Variants in CNNM4 observed in about 807,000 individuals in gnomAD.
CNNM4 encodes the protein cyclin and CBS domain divalent metal cation transport mediator 4.
CNNM4 carries 32 observed loss-of-function variants against 53.7 expected under a neutral mutation model. The observed-to-expected ratio is 0.60, with a 90% confidence interval of 0.45 to 0.80. The LOEUF is 0.80. CNNM4 is among the 30% of genes least tolerant of loss of function. The probability of loss-of-function intolerance (pLI) is 0.00; values close to 1 mark genes in which losing one functional copy is unlikely to be tolerated. For synonymous variants in CNNM4, 410 were observed against 440.0 expected (o/e 0.93, Z 0.85); for missense variants, 784 against 1,022.0 (o/e 0.77, Z 3.17).
Position 96,801,013 on chromosome 2 carries a change from T to C in CNNM4, c.1948+1365T>C. On this transcript the variant is annotated intron_variant, in intron 5 of 6. Coordinates refer to ENST00000377075, the MANE Select transcript of CNNM4 (RefSeq NM_020184.4). The surrounding 1 kb of genome is among the most constrained non-coding windows in gnomAD (Gnocchi z 5.6). The stretch of plus-strand genomic sequence containing the variant: ...GTCAGGTCTGCCTCTGTCCTGTGCC[T>C]GTGGTTCCGTGTCCTGTCTCCTGAC... The C allele has an allele frequency of 1.2e-6, 1 of 820,206 alleles. No homozygotes were observed. Among genetic ancestry groups the C allele is most frequent in the Non-Finnish European group, 1.5e-6 (1 of 679,332 alleles). The allele number at this position is 820,206 out of a possible 1,614,324, so 50.8% of individuals were successfully genotyped here. A position where few individuals can be genotyped will look rare whatever the true frequency, so the allele number is the denominator to read the frequency against.
chr2:96,780,178 T>A (rs1451643845), intron 1 of CNNM4, among the ~76,000 whole-genome samples: 1 of 152,182 alleles, frequency 6.6e-6, no homozygotes, highest in African/African-American at 2.4e-5. Flanking sequence ...TTAGTTTCTT[T>A]CAAAAATATT....
chr2:96,782,973 A>G (rs1558986930), intron 1 of CNNM4, among the ~76,000 whole-genome samples: 1 of 152,124 alleles, frequency 6.6e-6, no homozygotes, highest in African/African-American at 2.4e-5. Flanking sequence ...TGGGAGGTCA[A>G]TGCGGGAGGA....
intron 1 of CNNM4, among the ~76,000 whole-genome samples, chr2:96,765,777 TTTTCTTTCTTTC>T (rs200888938): frequency 1.3e-5 from 2 of 150,242 alleles, no homozygotes; most frequent in Non-Finnish European, 3.0e-5. Context: ...GCTGTTCTTT[TTTTCTTTCTTTC>T]TTTCTTTCTT....
At chr2:96,794,427 C>T (rs570270425) in intron 1 of CNNM4, among the ~76,000 whole-genome samples, 1 of 152,168 alleles carries the variant, frequency 6.6e-6, no homozygotes, top group Non-Finnish European at 1.5e-5. Flanking sequence ...AGTTCAAGCC[C>T]ACACACGCCT....
Position 96,799,207 on chromosome 2 carries a change from A to T in CNNM4, c.1832A>T (p.Tyr611Phe). Reference sequence around the variant, plus strand: ...TACACCCGAAATAAGCCGGCCGACTACTTCATCCTCATCCTGCAGGTGAGC... The same window carrying T: ...TACACCCGAAATAAGCCGGCCGACTTCTTCATCCTCATCCTGCAGGTGAGC... ...YLYTRNKPAD[Y>F]FILILQGKVE... Residue 611 changes from tyrosine (Y) to phenylalanine (F), a missense_variant, in exon 4 of 7, where the codon TAC (tyrosine) becomes TTC (phenylalanine). By Grantham distance (22) the Tyr-to-Phe change is conservative. Coordinates refer to ENST00000377075, the MANE Select transcript of CNNM4 (RefSeq NM_020184.4). 6.2e-7 allele frequency: 1 copy of T among 1,614,168 alleles called. No individual in the cohort carries two copies. The highest frequency in any genetic ancestry group is 8.5e-7 in the Non-Finnish European group (1 of 1,180,024).
chr2:96,806,186 T>C (rs1315982215), intron 5 of CNNM4, among the ~76,000 whole-genome samples: 8 of 152,116 alleles, frequency 5.3e-5, no homozygotes, highest in African/African-American at 1.9e-4. Context: ...GGCTGACACC[T>C]TCTTTTCAGT....
intron 5 of CNNM4, among the ~76,000 whole-genome samples, chr2:96,806,222 G>A (rs775297668): frequency 3.8e-4 from 58 of 152,118 alleles, no homozygotes; most frequent in Non-Finnish European, 7.6e-4. Context: ...AGATGTTTTA[G>A]GAACATGAAA....
At position 96,808,765 on chromosome 2, in the gene CNNM4, T is replaced by G. The variant is rs776720198; in HGVS notation, c.2130+23T>G. 3.7e-6 allele frequency: 6 copies of G among 1,604,360 alleles called. No homozygotes were observed. In the Admixed American group the frequency reaches 5.0e-5, roughly 13 times the overall value. On this transcript the variant is annotated intron_variant, in intron 6 of 6. Transcript: ENST00000377075. The surrounding 1 kb of genome is among the most constrained non-coding windows in gnomAD (Gnocchi z 4.9). ...AAGGTGAGTGCCTCACTGCCCTGTC[T>G]GGGCAGTGCTATCTTCTGCTCAGGA...
chr2:96,786,890 C>G (rs1048777120), intron 1 of CNNM4, among the ~76,000 whole-genome samples: 1 of 151,818 alleles, frequency 6.6e-6, no homozygotes, highest in Non-Finnish European at 1.5e-5. Context: ...TGCTTCTCCC[C>G]CAATATGAAA....
At chr2:96,766,078 C>T (rs768501584) in intron 1 of CNNM4, among the ~76,000 whole-genome samples, 1 of 147,438 alleles carries the variant, frequency 6.8e-6, no homozygotes, top group Non-Finnish European at 1.5e-5. Flanking sequence ...GCCACCACAC[C>T]TGGCCTTTTT....
At chr2:96,765,800 T>TTC (rs2153343365) in intron 1 of CNNM4, among the ~76,000 whole-genome samples, 1 of 150,850 alleles carries the variant, frequency 6.6e-6, no homozygotes, top group East Asian at 1.9e-4. Flanking sequence ...TTTCTTTCTT[T>TTC]TTTTTTTTTT....
chr2:96,807,134 C>T (rs1327300599), intron 5 of CNNM4, among the ~76,000 whole-genome samples: 1 of 152,182 alleles, frequency 6.6e-6, no homozygotes, highest in Non-Finnish European at 1.5e-5. Flanking sequence ...CCTCAGCCAC[C>T]CAAGGAGCTG....
intron 5 of CNNM4, among the ~76,000 whole-genome samples, chr2:96,802,087 GTA>G (rs1379650153): frequency 6.9e-6 from 1 of 145,730 alleles, no homozygotes; most frequent in Non-Finnish European, 1.5e-5. Context: ...AGACACACAG[GTA>G]TATATACACA....
At chr2:96,792,080 C>T (rs2079066767) in intron 1 of CNNM4, among the ~76,000 whole-genome samples, 1 of 151,436 alleles carries the variant, frequency 6.6e-6, no homozygotes, top group Non-Finnish European at 1.5e-5. Context: ...ATGGTGAAAC[C>T]CCATCTCTAC....
chr2:96,787,184 G>T (rs1271676823), intron 1 of CNNM4, among the ~76,000 whole-genome samples: 4 of 152,198 alleles, frequency 2.6e-5, no homozygotes, highest in African/African-American at 9.7e-5. Context: ...CTAGGGTTGG[G>T]AGAAATGGCA....
At chr2:96,773,429 T>G (rs2078896495) in intron 1 of CNNM4, among the ~76,000 whole-genome samples, 1 of 152,216 alleles carries the variant, frequency 6.6e-6, no homozygotes, top group African/African-American at 2.4e-5. Flanking sequence ...GATGCCAACC[T>G]GTGGCCACAG....
At chr2:96,791,658 A>G (rs1428134178) in intron 1 of CNNM4, among the ~76,000 whole-genome samples, 1 of 152,086 alleles carries the variant, frequency 6.6e-6, no homozygotes, top group Non-Finnish European at 1.5e-5. Flanking sequence ...CACATTTTTC[A>G]AAGTAGTCCT....
At chr2:96,802,594 C>T (rs1398643536) in intron 5 of CNNM4, among the ~76,000 whole-genome samples, 1 of 152,226 alleles carries the variant, frequency 6.6e-6, no homozygotes. Flanking sequence ...TTCTGCTTTC[C>T]CCTCTGTGAA....
chr2:96,778,732 G>A (rs556578303), intron 1 of CNNM4, among the ~76,000 whole-genome samples: 1 of 151,758 alleles, frequency 6.6e-6, no homozygotes, highest in Non-Finnish European at 1.5e-5. Flanking sequence ...GACTATAGGT[G>A]CATGCCACTT....
Sources: allele counts gnomAD v4.1 joint callset (sites outside exome capture counted in the v4.1 genomes callset), GRCh38; gene constraint gnomAD v4.1.1; non-coding constraint Gnocchi (gnomAD v3.1); transcripts MANE v1.5; gene names NCBI Gene and HGNC (gene_info 2026-07-23, HGNC 2026-07-21).